WDFY4: variants seen among roughly 807,000 people sequenced by gnomAD.
WDFY4 encodes WD repeat- and FYVE domain-containing protein 4.
WDFY4 carries 169 observed loss-of-function variants against 351.9 expected under a neutral mutation model. The observed-to-expected ratio is 0.48, with a 90% CI of 0.42 to 0.55. The LOEUF (loss-of-function observed/expected upper bound fraction) is 0.55. Ranked by LOEUF, WDFY4 falls within the 20% of genes least tolerant of loss-of-function variation. The probability of loss-of-function intolerance (pLI) is 0.00; values close to 1 mark genes in which losing one functional copy is unlikely to be tolerated. For synonymous variants in WDFY4, 1,622 were observed against 1,574.6 expected, an observed-to-expected ratio of 1.03 and a Z score of -0.71; for missense variants, 3,803 against 3,935.6, an observed-to-expected ratio of 0.97 and a Z score of 0.90.
At chr10:48,770,882 T>C (rs1000028490) in intron 13 of WDFY4, among the ~76,000 whole-genome samples, 3 of 152,254 alleles carry the variant, frequency 2.0e-5, no homozygotes, top group African/African-American at 7.2e-5. Flanking sequence ...AGTGACATCA[T>C]GTGCTCAGGA....
chr10:48,860,828 C>T (rs2069313280), intron 39 of WDFY4, among the ~76,000 whole-genome samples: 1 of 152,026 alleles, frequency 6.6e-6, no homozygotes, highest in African/African-American at 2.4e-5. Context: ...TTGAGGATTT[C>T]TTGTTATCCT....
Position 48,821,090 on chromosome 10 carries a change from A to G in WDFY4, c.5738A>G (p.Gln1913Arg). ...TCTCCAGACCACGCCACCAGCCAAC[A>G]GAAGCGAGACTTCCAGTCCGAGGTC... ...EASPDHATSQ[Q>R]KRDFQSEVLL... is the part of the protein sequence containing the mutation. The change falls in exon 34 of 62, where the codon CAG becomes CGG. Residue 1913 changes from glutamine (Q) to arginine (R), a missense_variant. By Grantham distance (43) the Gln-to-Arg change is conservative. Coordinates refer to ENST00000325239, the MANE Select transcript of WDFY4 (RefSeq NM_001394531.1). 1.3e-6 allele frequency: 2 copies of G among 1,551,722 alleles called. No homozygotes were observed. Among genetic ancestry groups the G allele is most frequent in the Non-Finnish European group, 1.7e-6 (2 of 1,146,984 alleles).
At chr10:48,879,845 T>C (rs2070175708) in intron 43 of WDFY4, among the ~76,000 whole-genome samples, 1 of 152,146 alleles carries the variant, frequency 6.6e-6, no homozygotes, top group Non-Finnish European at 1.5e-5. Context: ...GGTGGTACCC[T>C]TCTCACCCTT....
chr10:48,760,508 C>A, intron 13 of WDFY4, 68 bp downstream of exon 13: 2 of 1,479,322 alleles, frequency 1.4e-6, no homozygotes, highest in East Asian at 2.5e-5. Flanking sequence ...CCTTCTGACC[C>A]AAGACAGCTT....
rs561486386 is a variant in WDFY4 at position 48,724,747 on chromosome 10, A to C, written c.592-1134A>C. Among the ~76,000 whole-genome samples, 6 of 152,288 alleles carry C rather than the reference A, an allele frequency of 3.9e-5. No homozygotes were observed. The East Asian group carries it at 1.2e-3, about 29-fold the overall frequency. On this transcript the variant is annotated intron_variant, in intron 5 of 61. Coordinates refer to ENST00000325239, the MANE Select transcript of WDFY4 (RefSeq NM_001394531.1). ...GTTGCTGCAGCAAGCATAGGGCTTCACTTTGAGAGGTGACAGAAGGATGAA... is the reference window on the plus strand; with the variant it reads ...GTTGCTGCAGCAAGCATAGGGCTTCCCTTTGAGAGGTGACAGAAGGATGAA...
intron 43 of WDFY4, among the ~76,000 whole-genome samples, chr10:48,886,956 A>T (rs12766490): frequency 0.17 from 25,416 of 152,284 alleles, 2,597 homozygotes; most frequent in African/African-American, 0.28. Context: ...AAACTTAGGG[A>T]TGGAGCCCTC....
At chr10:48,949,762 T>C (rs1234715074) in intron 51 of WDFY4, among the ~76,000 whole-genome samples, 1 of 152,174 alleles carries the variant, frequency 6.6e-6, no homozygotes, top group Non-Finnish European at 1.5e-5. Context: ...ACCCGCCTAT[T>C]ACCACAGATA....
intron 6 of WDFY4, 89 bp from the exon 7 acceptor site, chr10:48,727,378 ATGT>A (rs919084704): frequency 1.6e-6 from 2 of 1,270,260 alleles, no homozygotes; most frequent in South Asian, 1.5e-5. Flanking sequence ...ATGTCTTGAC[ATGT>A]TGTTTGGAGT....
chr10:48,689,664 G>A (rs1022540888), intron 1 of WDFY4, among the ~76,000 whole-genome samples: 1 of 152,164 alleles, frequency 6.6e-6, no homozygotes, highest in Admixed American at 6.5e-5. Flanking sequence ...AGCCTTTAGA[G>A]GAATGATACT....
intron 54 of WDFY4, 130 bp from the exon 55 acceptor site, chr10:48,966,396 G>A: frequency 2.0e-6 from 2 of 1,009,666 alleles, no homozygotes; most frequent in Non-Finnish European, 2.8e-6. Flanking sequence ...TTCTGTTCAT[G>A]TTCAGCTCTG....
intron 2 of WDFY4, among the ~76,000 whole-genome samples, chr10:48,716,741 C>T (rs1754684660): frequency 6.6e-6 from 1 of 152,196 alleles, no homozygotes; most frequent in African/African-American, 2.4e-5. Context: ...CCCACTGCTC[C>T]AGAGACGATA....
intron 39 of WDFY4, among the ~76,000 whole-genome samples, chr10:48,839,151 G>A (rs2068511359): frequency 6.6e-6 from 1 of 152,188 alleles, no homozygotes; most frequent in African/African-American, 2.4e-5. Context: ...GAGAGTACTG[G>A]GAGTGAGAAT....
At chr10:48,889,713 A>C (rs2070613207) in intron 43 of WDFY4, among the ~76,000 whole-genome samples, 1 of 152,164 alleles carries the variant, frequency 6.6e-6, no homozygotes, top group South Asian at 2.1e-4. Flanking sequence ...ATACCAAGAT[A>C]TTGTCATGGG....
At chr10:48,888,350 T>C (rs1264013144) in intron 43 of WDFY4, among the ~76,000 whole-genome samples, 1 of 151,162 alleles carries the variant, frequency 6.6e-6, no homozygotes, top group Non-Finnish European at 1.5e-5. Context: ...CTTTTCTTTT[T>C]CTTCTTTTTG....
Position 48,821,160 on chromosome 10 carries a change from T to A in WDFY4, c.5808T>A (p.Asp1936Glu), listed in dbSNP as rs928225975. ...MELFHMTSGG[D>E]AAMFRDGKEP... ...TATTCCACATGACAAGTGGAGGTGATGCAGCGATGTTCAGAGGTGAGTGGG... is the reference window on the plus strand; with the variant it reads ...TATTCCACATGACAAGTGGAGGTGAAGCAGCGATGTTCAGAGGTGAGTGGG... Residue 1936 changes from aspartate (D) to glutamate (E), a missense_variant, in exon 34 of 62, where the codon GAT (aspartate) becomes GAA (glutamate). By Grantham distance (45) the Asp-to-Glu change is conservative. This residue lies in a region of WDFY4 where 3,054 missense variants were observed against 3,148.6 expected (regional missense o/e 0.97). Coordinates refer to ENST00000325239, the MANE Select transcript of WDFY4 (RefSeq NM_001394531.1). 1.3e-6 allele frequency: 2 copies of A among 1,551,456 alleles called. No homozygotes were observed. Among genetic ancestry groups the A allele is most frequent in the Non-Finnish European group, 1.7e-6 (2 of 1,146,868 alleles).
intron 8 of WDFY4, 104 bp downstream of exon 8, chr10:48,729,693 G>C: frequency 7.2e-7 from 1 of 1,394,628 alleles, no homozygotes; most frequent in Non-Finnish European, 9.6e-7. Flanking sequence ...CAATGGTGCA[G>C]TAGGCTCTGA....
chr10:48,805,977 C>G, intron 26 of WDFY4, 27 bp from the exon 27 acceptor site: 2 of 1,549,740 alleles, frequency 1.3e-6, no homozygotes, highest in Non-Finnish European at 1.7e-6. Flanking sequence ...CGCCTGCGAG[C>G]CTGTCCTTCT....
chr10:48,855,801 G>C (rs1401403069), intron 39 of WDFY4, among the ~76,000 whole-genome samples: 2 of 151,938 alleles, frequency 1.3e-5, no homozygotes, highest in Non-Finnish European at 2.9e-5. Flanking sequence ...ATATTAAGTA[G>C]AAAAATCTCA....
At chr10:48,718,951 G>C (rs1035587540) in intron 2 of WDFY4, among the ~76,000 whole-genome samples, 1 of 152,064 alleles carries the variant, frequency 6.6e-6, no homozygotes, top group Admixed American at 6.5e-5. Context: ...TGATCAGGTG[G>C]GATAGAAATA....
Sources: allele counts gnomAD v4.1 joint callset (sites outside exome capture counted in the v4.1 genomes callset), GRCh38; gene constraint gnomAD v4.1.1; regional missense constraint gnomAD v4.1.1; transcripts MANE v1.5; gene names NCBI Gene and HGNC (gene_info 2026-07-23, HGNC 2026-07-21).